SCAPER: variants seen among roughly 807,000 people sequenced by gnomAD.
SCAPER encodes the protein S-phase cyclin A associated protein in the ER, also known as S phase cyclin A-associated protein in the endoplasmic reticulum.
A neutral mutation model predicts 182.2 loss-of-function variants in SCAPER; 98 were observed. That is an observed-to-expected ratio of 0.54 (90% CI 0.46 to 0.64). The LOEUF (loss-of-function observed/expected upper bound fraction) is 0.64. SCAPER is among the 30% of genes least tolerant of loss of function. The pLI is 0.00. For missense variants in SCAPER, 1,432 were observed against 1,690.0 expected (o/e 0.85, Z 2.68); for synonymous variants, 605 against 564.6 (o/e 1.07, Z -1.01).
At chr15:76,538,818 A>G (rs752331090) in intron 23 of SCAPER, among the ~76,000 whole-genome samples, 4 of 152,218 alleles carry the variant, frequency 2.6e-5, no homozygotes, top group Non-Finnish European at 5.9e-5. Flanking sequence ...TATGATGGGC[A>G]TATACAATGG....
intron 17 of SCAPER, among the ~76,000 whole-genome samples, chr15:76,708,712 AC>A (rs980087551): frequency 2.6e-5 from 4 of 152,198 alleles, no homozygotes; most frequent in Admixed American, 6.5e-5. Context: ...GCGACAAAAT[AC>A]ATAAACCTTT....
chr15:76,625,064 G>A (rs529900993), intron 21 of SCAPER, among the ~76,000 whole-genome samples: 125 of 152,160 alleles, frequency 8.2e-4, no homozygotes, highest in Middle Eastern at 3.2e-3. Context: ...CCCCCAGAGA[G>A]AGTACTCGGG....
intron 1 of SCAPER, among the ~76,000 whole-genome samples, chr15:76,900,843 G>A (rs896413694): frequency 3.0e-4 from 46 of 152,170 alleles, no homozygotes; most frequent in Admixed American, 1.3e-4. Context: ...GTACATCTAT[G>A]AATTATCCAC....
At chr15:76,612,733 C>A (rs1262213677) in intron 22 of SCAPER, among the ~76,000 whole-genome samples, 2 of 152,140 alleles carry the variant, frequency 1.3e-5, no homozygotes, top group Non-Finnish European at 2.9e-5. Flanking sequence ...AATATCTCTA[C>A]AAGGAGAACT....
At chr15:76,493,155 G>A (rs2052495018) in intron 24 of SCAPER, among the ~76,000 whole-genome samples, 1 of 151,792 alleles carries the variant, frequency 6.6e-6, no homozygotes, top group African/African-American at 2.4e-5. Flanking sequence ...TTCACTGTGG[G>A]GATATAAATT....
chr15:76,798,375 G>GAAAAGA (rs779610037), intron 7 of SCAPER, among the ~76,000 whole-genome samples: 5 of 137,946 alleles, frequency 3.6e-5, no homozygotes, highest in Admixed American at 2.2e-4. Flanking sequence ...AAAAAAAAAA[G>GAAAAGA]AAAAGAAAAA....
chr15:76,635,071 A>C (rs1050151126), intron 21 of SCAPER, among the ~76,000 whole-genome samples: 2 of 152,228 alleles, frequency 1.3e-5, no homozygotes, highest in Non-Finnish European at 2.9e-5. Context: ...TTCTAATATT[A>C]AACACTGAAA....
chr15:76,359,790 G>A (rs2041267943), intron 29 of SCAPER, among the ~76,000 whole-genome samples: 1 of 152,216 alleles, frequency 6.6e-6, no homozygotes, highest in African/African-American at 2.4e-5. Context: ...CAGGAACTAT[G>A]TTTTTGGTAT....
chr15:76,386,571 T>A (rs975300467), intron 27 of SCAPER, among the ~76,000 whole-genome samples: 5 of 152,154 alleles, frequency 3.3e-5, no homozygotes, highest in African/African-American at 1.2e-4. Flanking sequence ...GGAATGTGTG[T>A]GAAGCTACTT....
intron 5 of SCAPER, among the ~76,000 whole-genome samples, chr15:76,810,835 A>G (rs2066547216): frequency 6.6e-6 from 1 of 152,118 alleles, no homozygotes; most frequent in East Asian, 1.9e-4. Context: ...AAGTGAAAAG[A>G]TGGAAAAAGA....
intron 20 of SCAPER, among the ~76,000 whole-genome samples, chr15:76,691,846 TA>T (rs1403180722): frequency 6.6e-6 from 1 of 152,170 alleles, no homozygotes; most frequent in South Asian, 2.1e-4. Flanking sequence ...ATCAAACAGA[TA>T]CTAAATAAAT....
At chr15:76,730,115 T>C (rs563544395) in intron 16 of SCAPER, among the ~76,000 whole-genome samples, 24 of 152,076 alleles carry the variant, frequency 1.6e-4, no homozygotes, top group Admixed American at 5.2e-4. Context: ...CAGTAAAAGA[T>C]AGCAGAAAAA....
chr15:76,645,765 TTGTATGCTG>T (rs2146446578), intron 21 of SCAPER, among the ~76,000 whole-genome samples: 1 of 152,298 alleles, frequency 6.6e-6, no homozygotes, highest in South Asian at 2.1e-4. Context: ...CTATACACTT[TTGTATGCTG>T]ATAAGTATTT....
At chr15:76,397,474 CT>C (rs71143321) in intron 27 of SCAPER, among the ~76,000 whole-genome samples, 7,161 of 71,250 alleles carry the variant, frequency 0.1, 103 homozygotes, top group African/African-American at 0.18. Context: ...TATTGGCAGA[CT>C]TTTTTTTTTT....
chr15:76,642,778 T>C (rs2054204378), intron 21 of SCAPER, among the ~76,000 whole-genome samples: 1 of 152,206 alleles, frequency 6.6e-6, no homozygotes. Context: ...ACATCATCAG[T>C]TATATTGTAT....
At chr15:76,868,266 A>C (rs962063629) in intron 2 of SCAPER, among the ~76,000 whole-genome samples, 3 of 152,120 alleles carry the variant, frequency 2.0e-5, no homozygotes, top group African/African-American at 7.2e-5. Context: ...GGTGGCTTAC[A>C]CCTGCAATCC....
intron 22 of SCAPER, among the ~76,000 whole-genome samples, chr15:76,618,317 G>A (rs1297387162): frequency 6.6e-6 from 1 of 152,104 alleles, no homozygotes; most frequent in Admixed American, 6.5e-5. Context: ...TTTTATTCAT[G>A]TGTGAGTGCA....
intron 23 of SCAPER, among the ~76,000 whole-genome samples, chr15:76,515,764 T>C (rs1224383108): frequency 6.6e-6 from 1 of 152,224 alleles, no homozygotes; most frequent in Non-Finnish European, 1.5e-5. Flanking sequence ...CAGCTGGAAT[T>C]ATGTTTATAT....
intron 25 of SCAPER, among the ~76,000 whole-genome samples, chr15:76,447,933 G>C (rs2048111269): frequency 6.6e-6 from 1 of 152,144 alleles, no homozygotes; most frequent in African/African-American, 2.4e-5. Flanking sequence ...GGTAACCCCT[G>C]AGCTGAGTCT....
Sources: gnomAD v4.1 joint callset for allele counts (sites outside exome capture counted in the v4.1 genomes callset) on GRCh38, gnomAD v4.1.1 for gene constraint, MANE v1.5 for transcripts, NCBI Gene and HGNC (gene_info 2026-07-23, HGNC 2026-07-21) for gene names.